The following KLHL29 variants were observed in gnomAD, a reference collection of about 807,000 sequenced individuals.
The protein encoded by KLHL29 is kelch like family member 29.
A neutral mutation model predicts 80.4 loss-of-function variants in KLHL29; 21 were observed. The ratio of observed to expected loss-of-function variants is 0.26; its 90% confidence interval spans 0.19 to 0.38. The LOEUF is 0.38. Among genes scored for constraint, KLHL29 ranks in the 10% least tolerant of loss-of-function variants. The pLI is 1.00. For missense variants in KLHL29, 867 were observed against 1,223.9 expected (o/e 0.71, Z 4.35); for synonymous variants, 511 against 526.8 (o/e 0.97, Z 0.41).
intron 2 of KLHL29, among the ~76,000 whole-genome samples, chr2:23,529,641 C>G (rs111529642): frequency 6.6e-6 from 1 of 152,206 alleles, no homozygotes; most frequent in African/African-American, 2.4e-5. Context: ...ATGAGCATAC[C>G]GAAGAGGCGA....
At chr2:23,664,172 C>G (rs1199417938) in intron 5 of KLHL29, among the ~76,000 whole-genome samples, 1 of 152,206 alleles carries the variant, frequency 6.6e-6, no homozygotes, top group African/African-American at 2.4e-5. Context: ...TTAATCACCT[C>G]CCATCGGAAC....
At position 23,696,139 on chromosome 2, in the gene KLHL29, GC is replaced by G. The variant is rs1558446586; in HGVS notation, c.1924+12del. On this transcript the variant is annotated splice_region_variant and intron_variant, in intron 10 of 13. Transcript: ENST00000486442. This position sits in a 1 kb window ranked among gnomAD's most constrained non-coding sequence, Gnocchi z 5.5. Reference sequence around the variant, plus strand: ...GGACAACATCTACCTCTCAGGTGAGGCCCCCCGGGGTTGGGGCGGGACCAGG... The same window carrying G: ...GGACAACATCTACCTCTCAGGTGAGGCCCCCGGGGTTGGGGCGGGACCAGG... 1.9e-6 allele frequency: 3 copies of G among 1,550,100 alleles called. No individual in the cohort carries two copies. The highest frequency in any genetic ancestry group is 1.2e-5 in the South Asian group (1 of 83,892).
chr2:23,706,751 G>A lies in KLHL29; in HGVS notation c.*87G>A, dbSNP rs886749260. ...GATAATTTTCCAGCGACACCAACAA[G>A]AGGCCAACAAAACACAATCAAGGAA... On this transcript the variant is annotated 3_prime_UTR_variant, in exon 14 of 14. Coordinates refer to ENST00000486442, the MANE Select transcript of KLHL29 (RefSeq NM_052920.2). 4.2e-6 allele frequency: 4 copies of A among 946,640 alleles called. No homozygotes were observed. Among genetic ancestry groups the A allele is most frequent in the Non-Finnish European group, 6.0e-6 (4 of 666,182 alleles). The allele number at this position is 946,640 out of a possible 1,614,324, so 58.6% of individuals were successfully genotyped here. A position where few individuals can be genotyped will look rare whatever the true frequency, so the allele number is the denominator to read the frequency against.
chr2:23,665,308 C>T (rs1455169057), intron 5 of KLHL29, among the ~76,000 whole-genome samples: 1 of 152,184 alleles, frequency 6.6e-6, no homozygotes, highest in African/African-American at 2.4e-5. Flanking sequence ...TCCAGGGGCC[C>T]AGAGATTTCT....
chr2:23,455,579 A>C (rs922240562), intron 1 of KLHL29, among the ~76,000 whole-genome samples: 1 of 150,956 alleles, frequency 6.6e-6, no homozygotes, highest in Non-Finnish European at 1.5e-5. Flanking sequence ...GATGAAGAGA[A>C]GCGTCAGCTG....
intron 2 of KLHL29, among the ~76,000 whole-genome samples, chr2:23,496,529 A>G (rs1311221575): frequency 6.6e-6 from 1 of 152,034 alleles, no homozygotes; most frequent in East Asian, 1.9e-4. Context: ...TTTCCCCCAA[A>G]AAGGGTACCC....
intron 2 of KLHL29, among the ~76,000 whole-genome samples, chr2:23,480,370 C>T (rs768875480): frequency 6.6e-6 from 1 of 152,062 alleles, no homozygotes; most frequent in Non-Finnish European, 1.5e-5. Flanking sequence ...GCCTATAGTC[C>T]CAGGTACTCG....
At chr2:23,548,355 A>G (rs937013819) in intron 2 of KLHL29, among the ~76,000 whole-genome samples, 13 of 151,570 alleles carry the variant, frequency 8.6e-5, no homozygotes, top group African/African-American at 2.9e-4. Context: ...GCACACAGGC[A>G]CACACACAGG....
rs145104627 is a variant in KLHL29, at chr2:23,566,575, G to A, written c.285+4094G>A. On this transcript the variant is annotated intron_variant, in intron 3 of 13. Transcript: ENST00000486442. ...GAAAGTGGGCACATTTACCTCTGTG[G>A]TATAGGTGAGAAAATTTAAGCCAAA... 1.4e-4 allele frequency among the ~76,000 whole-genome samples: 22 copies of A among 152,338 alleles called. No individual in the cohort carries two copies. In the East Asian group the frequency reaches 4.2e-3, roughly 29 times the overall value.
intron 2 of KLHL29, among the ~76,000 whole-genome samples, chr2:23,510,688 G>A (rs537122955): frequency 6.6e-5 from 10 of 152,344 alleles, no homozygotes; most frequent in Non-Finnish European, 1.0e-4. Context: ...AGTGGCTGGT[G>A]ACAATGACAA....
chr2:23,671,359 G>A (rs1218186211), intron 5 of KLHL29, among the ~76,000 whole-genome samples: 1 of 151,878 alleles, frequency 6.6e-6, no homozygotes, highest in Admixed American at 6.6e-5. Context: ...CTCCTTCTCT[G>A]AGCCGGCCCG....
intron 2 of KLHL29, among the ~76,000 whole-genome samples, chr2:23,517,651 C>T (rs540750902): frequency 5.9e-4 from 90 of 152,284 alleles, no homozygotes; most frequent in African/African-American, 1.9e-3. Context: ...AAGGCTGCCT[C>T]GTGTTTCCCA....
intron 3 of KLHL29, among the ~76,000 whole-genome samples, chr2:23,626,056 G>A (rs1223961586): frequency 4.6e-5 from 7 of 152,104 alleles, no homozygotes; most frequent in African/African-American, 1.2e-4. Flanking sequence ...ATCAGGGACC[G>A]GTTTTGTGGA....
At chr2:23,660,834 T>C (rs1480077020) in intron 5 of KLHL29, among the ~76,000 whole-genome samples, 1 of 152,080 alleles carries the variant, frequency 6.6e-6, no homozygotes, top group African/African-American at 2.4e-5. Flanking sequence ...AAGGTCAGCC[T>C]GGCCACCATG....
intron 1 of KLHL29, among the ~76,000 whole-genome samples, chr2:23,461,960 AATT>A (rs1664221360): frequency 8.2e-6 from 1 of 122,536 alleles, no homozygotes; most frequent in Non-Finnish European, 1.6e-5. Flanking sequence ...GTGCAAAAGT[AATT>A]GCGGTTTTTG....
intron 1 of KLHL29, among the ~76,000 whole-genome samples, chr2:23,442,069 G>T (rs1298789493): frequency 1.3e-5 from 2 of 152,100 alleles, no homozygotes; most frequent in African/African-American, 2.4e-5. Context: ...GGGTTATGTG[G>T]TGGGCTCAGT....
intron 1 of KLHL29, among the ~76,000 whole-genome samples, chr2:23,441,332 G>T (rs1425031896): frequency 7.0e-3 from 399 of 56,600 alleles, no homozygotes; most frequent in South Asian, 0.01. Flanking sequence ...ACTGTGGCGG[G>T]GTGGGGGGAG....
rs2149235391 is a variant in KLHL29 at position 23,707,344 on chromosome 2, C to A, written c.*680C>A. On this transcript the variant is annotated 3_prime_UTR_variant, in exon 14 of 14. Transcript: ENST00000486442. Reference sequence around the variant, plus strand: ...CAGTGATTGCGCTAGCTTTCTCTTACCCGGTATGAATTATTTAGATTTCTG... The same window carrying A: ...CAGTGATTGCGCTAGCTTTCTCTTAACCGGTATGAATTATTTAGATTTCTG... The A allele has an allele frequency of 6.6e-6, 1 of 152,268 alleles. No individual in the cohort carries two copies. The highest frequency in any genetic ancestry group is 2.1e-4 in the South Asian group (1 of 4,810). 9.4% of individuals were successfully genotyped at this position (152,268 alleles called of 1,614,324 possible).
chr2:23,407,014 C>T (rs1168105645), intron 1 of KLHL29, among the ~76,000 whole-genome samples: 1 of 152,058 alleles, frequency 6.6e-6, no homozygotes, highest in Non-Finnish European at 1.5e-5. Flanking sequence ...ATTTTCTTTC[C>T]TGCTTTTTTT....
Sources: gnomAD v4.1 joint callset for allele counts (sites outside exome capture counted in the v4.1 genomes callset) on GRCh38, gnomAD v4.1.1 for gene constraint, Gnocchi (gnomAD v3.1) non-coding constraint, MANE v1.5 for transcripts, NCBI Gene and HGNC (gene_info 2026-07-23, HGNC 2026-07-21) for gene names.